MAST4: variants seen among roughly 807,000 people sequenced by gnomAD.
MAST4 encodes microtubule associated serine/threonine kinase family member 4.
In MAST4, 89 loss-of-function variants were observed where a neutral mutation model predicts 162.7. The ratio of observed to expected loss-of-function variants is 0.55; its 90% CI spans 0.46 to 0.65. The LOEUF (loss-of-function observed/expected upper bound fraction) is 0.65, where lower values mean the gene tolerates loss of function less well. Ranked by LOEUF, MAST4 falls within the 30% of genes least tolerant of loss-of-function variation. The pLI is 0.00. For missense variants in MAST4, 3,153 were observed against 3,374.0 expected (o/e 0.93, Z 1.62); for synonymous variants, 1,479 against 1,361.1 (o/e 1.09, Z -1.91).
chr5:66,922,764 G>T (rs1319369202), intron 4 of MAST4, among the ~76,000 whole-genome samples: 1 of 152,124 alleles, frequency 6.6e-6, no homozygotes, highest in Non-Finnish European at 1.5e-5. Flanking sequence ...GTTGAATTCA[G>T]TAGTGAAAAA....
chr5:67,154,844 A>C (rs543174732), intron 26 of MAST4, among the ~76,000 whole-genome samples: 2 of 152,372 alleles, frequency 1.3e-5, no homozygotes, highest in South Asian at 4.1e-4. Flanking sequence ...TGAACTGTGT[A>C]ATCATGCAGC....
At chr5:67,118,480 G>A (rs889054470) in intron 12 of MAST4, among the ~76,000 whole-genome samples, 4 of 152,214 alleles carry the variant, frequency 2.6e-5, no homozygotes, top group African/African-American at 9.7e-5. Context: ...AAGAAATGGA[G>A]TTCTGGGGAG....
rs150639660 is a variant in MAST4, at chr5:67,088,399, T to C, written c.764-1763T>C. ...CTAATTATTTACTGGTAGTTTGCTC[T>C]TTATGGTGTGTGAGCAAATTGAACA... On this transcript the variant is annotated intron_variant, in intron 5 of 28. Transcript: ENST00000403625. Among the ~76,000 whole-genome samples, 48 of 152,334 alleles carry C rather than the reference T, an allele frequency of 3.2e-4. 1 individual carries two copies. In the East Asian group the frequency reaches 8.7e-3, roughly 28 times the overall value.
At chr5:66,899,861 G>T in intron 3 of MAST4, 90 bp from the exon 4 acceptor site, 1 of 1,028,158 alleles carries the variant, frequency 9.7e-7, no homozygotes, top group South Asian at 1.9e-5. Context: ...GCGTAATGAA[G>T]GATGATACAT....
intron 3 of MAST4, among the ~76,000 whole-genome samples, chr5:66,877,344 A>T (rs1001465449): frequency 2.6e-5 from 4 of 152,212 alleles, no homozygotes; most frequent in Non-Finnish European, 4.4e-5. Flanking sequence ...TGCTTTACAC[A>T]CATGTGAACC....
intron 1 of MAST4, among the ~76,000 whole-genome samples, chr5:66,623,400 C>T (rs1180704634): frequency 6.6e-6 from 1 of 152,192 alleles, no homozygotes. Context: ...CAATAAAGTA[C>T]TAGCAAATAT....
chr5:66,810,080 G>T (rs1411596693), intron 3 of MAST4, among the ~76,000 whole-genome samples: 1 of 152,178 alleles, frequency 6.6e-6, no homozygotes, highest in Non-Finnish European at 1.5e-5. Flanking sequence ...CTGGGGGGTG[G>T]ACTCTCAACA....
rs754681870 is a variant in MAST4 at position 67,166,385 on chromosome 5, C to T, written c.7206C>T (p.Gly2402=). The change falls in exon 29 of 29, where the codon GGC becomes GGT. Residue 2402 remains glycine (G), a synonymous_variant. Coordinates refer to ENST00000403625, the MANE Select transcript of MAST4 (RefSeq NM_001164664.2). ...SFVHSENRLK[G]AERPAAGVGK... is the part of the protein sequence containing the mutation. ...TGCATAGCGAGAACCGGTTGAAAGGCGCGGAGCGGCCAGCCGCGGGGGTGG... is the reference window on the plus strand; with the variant it reads ...TGCATAGCGAGAACCGGTTGAAAGGTGCGGAGCGGCCAGCCGCGGGGGTGG... 161 of 1,610,650 alleles carry T rather than the reference C, an allele frequency of 1.0e-4. No homozygotes were observed. The highest frequency in any genetic ancestry group is 1.2e-4 in the Non-Finnish European group (144 of 1,178,326).
intron 4 of MAST4, among the ~76,000 whole-genome samples, chr5:66,990,439 C>G (rs914644308): frequency 1.3e-5 from 2 of 152,216 alleles, no homozygotes; most frequent in African/African-American, 4.8e-5. Flanking sequence ...AGGTCAAGAC[C>G]ACCCTGGGAA....
At chr5:67,053,710 C>A (rs1183453077) in intron 4 of MAST4, among the ~76,000 whole-genome samples, 2 of 152,168 alleles carry the variant, frequency 1.3e-5, no homozygotes, top group Non-Finnish European at 2.9e-5. Context: ...GAAACAGGAA[C>A]AAATTGTTGC....
chr5:66,677,002 G>A (rs755877269), intron 1 of MAST4, among the ~76,000 whole-genome samples: 1 of 152,140 alleles, frequency 6.6e-6, no homozygotes, highest in African/African-American at 2.4e-5. Context: ...TCTGGTGGAG[G>A]GGTGGCTTTA....
chr5:66,751,386 T>G (rs538219386), intron 1 of MAST4, among the ~76,000 whole-genome samples: 1 of 152,108 alleles, frequency 6.6e-6, no homozygotes, highest in South Asian at 2.1e-4. Flanking sequence ...GCAAAGAAGT[T>G]GAAAACTGAA....
At chr5:66,988,933 A>G (rs1229390366) in intron 4 of MAST4, among the ~76,000 whole-genome samples, 1 of 152,238 alleles carries the variant, frequency 6.6e-6, no homozygotes, top group Non-Finnish European at 1.5e-5. Flanking sequence ...GAAATAAGAC[A>G]TATTTGTAAA....
chr5:66,750,800 C>A (rs1305095523), intron 1 of MAST4, among the ~76,000 whole-genome samples: 1 of 152,230 alleles, frequency 6.6e-6, no homozygotes, highest in Non-Finnish European at 1.5e-5. Flanking sequence ...CACCACAGCT[C>A]AAGGAGGCCT....
intron 3 of MAST4, among the ~76,000 whole-genome samples, chr5:66,795,397 C>T (rs1735394347): frequency 1.3e-5 from 2 of 152,064 alleles, no homozygotes; most frequent in Admixed American, 1.3e-4. Flanking sequence ...ATGATTTCTT[C>T]AGGTAGATTC....
intron 5 of MAST4, among the ~76,000 whole-genome samples, chr5:67,081,665 C>T (rs1762672085): frequency 6.6e-6 from 1 of 152,134 alleles, no homozygotes; most frequent in African/African-American, 2.4e-5. Context: ...TGTAATATAT[C>T]TCTGTAAGAC....
chr5:66,843,144 C>T (rs1741689329), intron 3 of MAST4, among the ~76,000 whole-genome samples: 1 of 152,066 alleles, frequency 6.6e-6, no homozygotes, highest in Non-Finnish European at 1.5e-5. Context: ...TATTGTTGTG[C>T]CTCAGAAAAA....
At chr5:67,070,892 C>T (rs755327198) in intron 5 of MAST4, among the ~76,000 whole-genome samples, 21 of 152,280 alleles carry the variant, frequency 1.4e-4, no homozygotes, top group Non-Finnish European at 1.6e-4. Context: ...CACCCAACCC[C>T]GCACCACAAA....
chr5:66,661,167 A>G (rs6872361), intron 1 of MAST4, among the ~76,000 whole-genome samples: 4,089 of 152,258 alleles, frequency 0.027, 199 homozygotes, highest in African/African-American at 0.092. Context: ...GAGGTTCTCT[A>G]TATTCTCAAT....
Sources: gnomAD v4.1 joint callset for allele counts (sites outside exome capture counted in the v4.1 genomes callset) on GRCh38, gnomAD v4.1.1 for gene constraint, MANE v1.5 for transcripts, NCBI Gene and HGNC (gene_info 2026-07-23, HGNC 2026-07-21) for gene names.